Variants in ERC1 observed in about 807,000 individuals in gnomAD.
ERC1 encodes the protein RAB6 interacting protein 2.
ERC1 carries 56 observed loss-of-function variants against 132.0 expected under a neutral mutation model. The ratio of observed to expected loss-of-function variants is 0.42; its 90% confidence interval spans 0.34 to 0.53. The LOEUF (loss-of-function observed/expected upper bound fraction) is 0.53, where lower values mean the gene tolerates loss of function less well. Ranked by LOEUF, ERC1 falls within the 20% of genes least tolerant of loss-of-function variation. The pLI is 0.03. For synonymous variants in ERC1, 478 were observed against 476.1 expected (o/e 1.00, Z -0.05); for missense variants, 1,202 against 1,349.9 (o/e 0.89, Z 1.72).
intron 15 of ERC1, among the ~76,000 whole-genome samples, chr12:1,363,543 CTTTTTTTTTTTTTT>C (rs34769986): frequency 3.2e-5 from 3 of 94,336 alleles, no homozygotes; most frequent in Non-Finnish European, 6.3e-5. Flanking sequence ...TATTTCTTTC[CTTTTTTTTTTTTTT>C]TTTTTTTTTT....
intron 8 of ERC1, among the ~76,000 whole-genome samples, chr12:1,170,137 C>G (rs914139737): frequency 6.6e-6 from 1 of 152,080 alleles, no homozygotes. Context: ...TATAATATTA[C>G]ACTTACTTTT....
chr12:1,374,472 G>A (rs759119115), intron 16 of ERC1, among the ~76,000 whole-genome samples: 2 of 152,032 alleles, frequency 1.3e-5, no homozygotes, highest in Admixed American at 1.3e-4. Flanking sequence ...AAGGGGCCAG[G>A]GCCAGTGAAA....
At chr12:1,312,886 A>T (rs368068633) in intron 15 of ERC1, among the ~76,000 whole-genome samples, 1 of 152,088 alleles carries the variant, frequency 6.6e-6, no homozygotes, top group Non-Finnish European at 1.5e-5. Flanking sequence ...AACATTTATC[A>T]TGTTATTCCT....
chr12:1,357,176 A>G (rs867898391), intron 15 of ERC1, among the ~76,000 whole-genome samples: 42 of 152,290 alleles, frequency 2.8e-4, no homozygotes, highest in African/African-American at 7.5e-4. Flanking sequence ...TAGATGTTCT[A>G]TGTAACGCTG....
At chr12:1,191,272 T>G (rs1955704694) in intron 12 of ERC1, among the ~76,000 whole-genome samples, 2 of 152,150 alleles carry the variant, frequency 1.3e-5, no homozygotes, top group Non-Finnish European at 2.9e-5. Context: ...TATGTCTTCA[T>G]TTTTGCACTG....
intron 14 of ERC1, among the ~76,000 whole-genome samples, chr12:1,266,656 C>T (rs1214120092): frequency 6.6e-6 from 1 of 151,976 alleles, no homozygotes; most frequent in African/African-American, 2.4e-5. Flanking sequence ...CCGCCCGCCT[C>T]GGCCTCTGAA....
At chr12:1,028,668 A>G (rs1357726501) in intron 2 of ERC1, 96 bp downstream of exon 2, 1 of 971,764 alleles carries the variant, frequency 1.0e-6, no homozygotes, top group African/African-American at 1.7e-5. Context: ...CCTTCGTAGT[A>G]TATGTATCTT....
intron 15 of ERC1, among the ~76,000 whole-genome samples, chr12:1,350,306 T>C (rs1270981791): frequency 6.6e-6 from 1 of 152,186 alleles, no homozygotes; most frequent in African/African-American, 2.4e-5. Context: ...TTGAGACCTA[T>C]TGTATTTTTT....
At chr12:1,206,995 C>A (rs1957404285) in intron 12 of ERC1, among the ~76,000 whole-genome samples, 2 of 152,162 alleles carry the variant, frequency 1.3e-5, no homozygotes, top group South Asian at 4.2e-4. Flanking sequence ...AGTAATAGAA[C>A]ACTAGGCATA....
At chr12:1,006,400 A>T (rs1172321120) in intron 1 of ERC1, among the ~76,000 whole-genome samples, 1 of 151,114 alleles carries the variant, frequency 6.6e-6, no homozygotes, top group Non-Finnish European at 1.5e-5. Context: ...TGCCTGGCAA[A>T]TTTTTTTTTG....
chr12:1,071,314 G>A (rs2154181924), intron 2 of ERC1, among the ~76,000 whole-genome samples: 1 of 152,298 alleles, frequency 6.6e-6, no homozygotes, highest in African/African-American at 2.4e-5. Context: ...TTCCATCCTT[G>A]CCAGCATTTG....
intron 16 of ERC1, 119 bp from the exon 17 acceptor site, chr12:1,408,030 T>C (rs768143394): frequency 3.0e-6 from 2 of 669,664 alleles, no homozygotes; most frequent in Non-Finnish European, 5.1e-6. Context: ...ATTTAGTTTA[T>C]TTTATTGCAG....
At chr12:1,226,114 T>C (rs2074556470) in intron 12 of ERC1, among the ~76,000 whole-genome samples, 1 of 152,232 alleles carries the variant, frequency 6.6e-6, no homozygotes, top group African/African-American at 2.4e-5. Context: ...TAGTGATAAC[T>C]GATTTTATTA....
At chr12:1,083,749 T>C (rs1334342628) in intron 3 of ERC1, among the ~76,000 whole-genome samples, 169 bp downstream of exon 3, 2 of 152,192 alleles carry the variant, frequency 1.3e-5, no homozygotes, top group Non-Finnish European at 1.5e-5. Context: ...TGCCCTGTTG[T>C]ATGGGATGAC....
Position 1,435,181 on chromosome 12 carries a change from T to G in ERC1, c.3025-9381T>G, listed in dbSNP as rs148750421. Among the ~76,000 whole-genome samples the G allele has an allele frequency of 5.9e-3, 900 of 152,310 alleles. 10 individuals are homozygous for G. Among genetic ancestry groups the G allele is most frequent in the African/African-American group, 0.021 (855 of 41,570 alleles). ...TGCCTTTTAAATATGATTTCCTGAT[T>G]GACTATAGCAAACATAAATCCAGGA... On this transcript the variant is annotated intron_variant, in intron 17 of 18. Coordinates refer to ENST00000360905, the MANE Select transcript of ERC1 (RefSeq NM_178040.4).
At chr12:1,096,351 T>A (rs1193643468) in intron 3 of ERC1, among the ~76,000 whole-genome samples, 2 of 152,354 alleles carry the variant, frequency 1.3e-5, no homozygotes, top group East Asian at 3.9e-4. Flanking sequence ...AATGCAGTTT[T>A]AATATTTTCA....
chr12:1,154,860 C>T (rs1951217005), intron 8 of ERC1, among the ~76,000 whole-genome samples: 1 of 152,130 alleles, frequency 6.6e-6, no homozygotes, highest in South Asian at 2.1e-4. Flanking sequence ...AGTGAGATAC[C>T]ACCCTACCCC....
At chr12:1,145,165 C>T (rs1013341627) in intron 8 of ERC1, among the ~76,000 whole-genome samples, 5 of 151,776 alleles carry the variant, frequency 3.3e-5, no homozygotes, top group Admixed American at 1.3e-4. Flanking sequence ...TACGGGTGCT[C>T]GCCACCACGC....
chr12:1,326,890 GT>G (rs112334757), intron 15 of ERC1, among the ~76,000 whole-genome samples: 20 of 148,264 alleles, frequency 1.3e-4, no homozygotes, highest in Middle Eastern at 3.5e-3. Flanking sequence ...CAGTTTGTGG[GT>G]TTTTTTTTTA....
Sources: gnomAD v4.1 joint callset for allele counts (sites outside exome capture counted in the v4.1 genomes callset) on GRCh38, gnomAD v4.1.1 for gene constraint, MANE v1.5 for transcripts, NCBI Gene and HGNC (gene_info 2026-07-23, HGNC 2026-07-21) for gene names.